The following DRC11 variants were observed in gnomAD, a reference collection of about 807,000 sequenced individuals.
DRC11 encodes the protein IQ and AAA domain-containing protein 1.
chr2:236,477,034 T>A, the DRC11 span, among the ~76,000 whole-genome samples: 1 of 152,200 alleles, frequency 6.6e-6, no homozygotes, highest in Admixed American at 6.5e-5. Flanking sequence ...GATTTCTCCA[T>A]CTATGTTCAC....
the DRC11 span, among the ~76,000 whole-genome samples, chr2:236,489,618 G>A: frequency 6.6e-6 from 1 of 152,124 alleles, no homozygotes; most frequent in Non-Finnish European, 1.5e-5. Flanking sequence ...ACAGATCACT[G>A]GAGTCAGAAA....
the DRC11 span, among the ~76,000 whole-genome samples, chr2:236,502,548 CAAAAAAAAAAA>C: frequency 7.5e-3 from 113 of 15,088 alleles, 2 homozygotes; most frequent in African/African-American, 9.6e-3. Flanking sequence ...TGCACTCCAG[CAAAAAAAAAAA>C]AAAAAAAAAA....
At chr2:236,338,739 G>A in the DRC11 span, among the ~76,000 whole-genome samples, 1 of 152,174 alleles carries the variant, frequency 6.6e-6, no homozygotes, top group African/African-American at 2.4e-5. Flanking sequence ...TAAGTTGTTT[G>A]GAAGCTGGAC....
chr2:236,416,743 ATATATATATATATATATATATAT>A, the DRC11 span, among the ~76,000 whole-genome samples: 1 of 56,422 alleles, frequency 1.8e-5, no homozygotes, highest in South Asian at 4.4e-4. Context: ...ATATATATAT[ATATATATATATATATATATATAT>A]ATAAATAATT....
At chr2:236,463,813 C>T in the DRC11 span, among the ~76,000 whole-genome samples, 6 of 152,162 alleles carry the variant, frequency 3.9e-5, no homozygotes, top group East Asian at 1.9e-4. This position sits in a 1 kb window ranked among gnomAD's most constrained non-coding sequence, Gnocchi z 5.0. Flanking sequence ...CTCAGCTGGG[C>T]GCCTCTGCTT....
chr2:236,500,390 G>T, the DRC11 span, among the ~76,000 whole-genome samples: 1 of 152,108 alleles, frequency 6.6e-6, no homozygotes, highest in African/African-American at 2.4e-5. This position sits in a 1 kb window ranked among gnomAD's most constrained non-coding sequence, Gnocchi z 6.3. Context: ...AGCAGACGAG[G>T]AAGGAGGGGT....
At chr2:236,447,019 T>C in the DRC11 span, among the ~76,000 whole-genome samples, 1,280 of 151,618 alleles carry the variant, frequency 8.4e-3, 61 homozygotes, top group African/African-American at 0.029. The surrounding 1 kb of genome is among the most constrained non-coding windows in gnomAD (Gnocchi z 4.6). Context: ...ATCTGCAGGA[T>C]GCTCAGGTCT....
chr2:236,377,530 T>C, the DRC11 span, among the ~76,000 whole-genome samples: 1 of 152,202 alleles, frequency 6.6e-6, no homozygotes, highest in Non-Finnish European at 1.5e-5. This position sits in a 1 kb window ranked among gnomAD's most constrained non-coding sequence, Gnocchi z 4.9. Context: ...AGTAATGCAA[T>C]GGACCTATAA....
chr2:236,374,565 G>T, the DRC11 span, among the ~76,000 whole-genome samples: 1 of 152,198 alleles, frequency 6.6e-6, no homozygotes, highest in Non-Finnish European at 1.5e-5. Flanking sequence ...TTCTGGGGAG[G>T]CCTCAGGAAA....
the DRC11 span, among the ~76,000 whole-genome samples, chr2:236,310,778 A>T: frequency 2.6e-5 from 4 of 152,206 alleles, no homozygotes; most frequent in African/African-American, 9.6e-5. The surrounding 1 kb of genome is among the most constrained non-coding windows in gnomAD (Gnocchi z 5.5). Flanking sequence ...GCCTCATATA[A>T]ATACACACAC....
chr2:236,390,166 G>A, the DRC11 span, among the ~76,000 whole-genome samples: 243 of 152,204 alleles, frequency 1.6e-3, no homozygotes, highest in African/African-American at 4.6e-3. The surrounding 1 kb of genome is among the most constrained non-coding windows in gnomAD (Gnocchi z 5.9). Context: ...TTGATTAAAG[G>A]TGTATATATA....
At chr2:236,392,037 A>G in the DRC11 span, 1 of 1,613,950 alleles carries the variant, frequency 6.2e-7, no homozygotes, top group Admixed American at 1.7e-5. The surrounding 1 kb of genome is among the most constrained non-coding windows in gnomAD (Gnocchi z 5.1). Context: ...AGCTAGCTTT[A>G]AGTTTTTAAG....
chr2:236,357,282 ATATT>A, the DRC11 span, among the ~76,000 whole-genome samples: 13 of 109,266 alleles, frequency 1.2e-4, no homozygotes, highest in African/African-American at 3.7e-4. Flanking sequence ...CATATATTAT[ATATT>A]TATATATTAT....
the DRC11 span, among the ~76,000 whole-genome samples, chr2:236,483,381 A>G: frequency 6.6e-6 from 1 of 152,220 alleles, no homozygotes; most frequent in East Asian, 1.9e-4. This position sits in a 1 kb window ranked among gnomAD's most constrained non-coding sequence, Gnocchi z 4.8. Context: ...ATTTCCAAAA[A>G]CAAATGTTGG....
chr2:236,468,384 G>A, the DRC11 span, among the ~76,000 whole-genome samples: 1 of 152,158 alleles, frequency 6.6e-6, no homozygotes, highest in Non-Finnish European at 1.5e-5. Flanking sequence ...GAACGACCAT[G>A]CCCGGCTGAG....
the DRC11 span, among the ~76,000 whole-genome samples, chr2:236,386,198 C>T: frequency 2.0e-5 from 3 of 147,230 alleles, no homozygotes; most frequent in African/African-American, 7.4e-5. Flanking sequence ...GGGAGGATTC[C>T]CTCTTTTTCT....
At chr2:236,404,467 G>A in the DRC11 span, among the ~76,000 whole-genome samples, 11 of 152,120 alleles carry the variant, frequency 7.2e-5, no homozygotes, top group Admixed American at 3.9e-4. Context: ...TATCCCCATC[G>A]CTCAAAAGAG....
At chr2:236,441,134 A>C in the DRC11 span, 2 of 1,525,084 alleles carry the variant, frequency 1.3e-6, no homozygotes, top group Non-Finnish European at 1.8e-6. Context: ...TCTGCAGGAA[A>C]AAAAATAGCA....
At chr2:236,331,212 A>G in the DRC11 span, 5 of 640,594 alleles carry the variant, frequency 7.8e-6, no homozygotes, top group Middle Eastern at 6.8e-4. The surrounding 1 kb of genome is among the most constrained non-coding windows in gnomAD (Gnocchi z 4.8). Flanking sequence ...CCAAAACCCC[A>G]AAGATTTTGT....
Sources: gnomAD v4.1 joint callset for allele counts (sites outside exome capture counted in the v4.1 genomes callset) on GRCh38, gnomAD v4.1.1 for gene constraint, Gnocchi (gnomAD v3.1) non-coding constraint, MANE v1.5 for transcripts, NCBI Gene and HGNC (gene_info 2026-07-23, HGNC 2026-07-21) for gene names.